Variants in ANO3 observed in about 807,000 individuals in gnomAD.
The protein encoded by ANO3 is anoctamin-3.
ANO3 carries 99 observed loss-of-function variants against 144.8 expected under a neutral mutation model. The observed-to-expected ratio is 0.68, with a 90% CI of 0.58 to 0.81. ANO3 has a LOEUF of 0.81. Among genes scored for constraint, ANO3 ranks in the 30% least tolerant of loss-of-function variants. The pLI, the probability that ANO3 is intolerant of heterozygous loss-of-function variation, is 0.00. For synonymous variants in ANO3, 414 were observed against 392.6 expected, an observed-to-expected ratio of 1.05 and a Z score of -0.64; for missense variants, 905 against 1,202.2, an observed-to-expected ratio of 0.75 and a Z score of 3.66.
intron 14 of ANO3, among the ~76,000 whole-genome samples, chr11:26,586,604 G>A (rs1292377658): frequency 1.4e-5 from 2 of 147,008 alleles, no homozygotes; most frequent in Admixed American, 7.0e-5. Flanking sequence ...CCATGTTCAC[G>A]CCATTCTCCT....
chr11:26,281,970 G>T (rs1215737921), intron 1 of ANO3, among the ~76,000 whole-genome samples: 1 of 152,066 alleles, frequency 6.6e-6, no homozygotes, highest in Non-Finnish European at 1.5e-5. Flanking sequence ...GATCCTCCCA[G>T]GCCAAAGCAA....
At chr11:26,460,439 G>GGAAA (rs1217284957) in intron 3 of ANO3, among the ~76,000 whole-genome samples, 5 of 68,332 alleles carry the variant, frequency 7.3e-5, no homozygotes, top group Admixed American at 1.8e-4. Context: ...GCGGGCGGGT[G>GGAAA]GAAGGAAAGA....
intron 1 of ANO3, among the ~76,000 whole-genome samples, chr11:26,239,309 T>A: frequency 6.6e-6 from 1 of 152,174 alleles, no homozygotes; most frequent in Non-Finnish European, 1.5e-5. Flanking sequence ...TAATTAGAGA[T>A]CTGCTTCATC....
intron 1 of ANO3, among the ~76,000 whole-genome samples, chr11:26,349,975 C>T (rs1161132097): frequency 6.6e-6 from 1 of 152,124 alleles, no homozygotes; most frequent in Admixed American, 6.5e-5. Flanking sequence ...GAGCAGATGT[C>T]CCCTGGCATT....
intron 14 of ANO3, among the ~76,000 whole-genome samples, chr11:26,572,782 G>C (rs981894216): frequency 6.6e-6 from 1 of 152,130 alleles, no homozygotes; most frequent in Non-Finnish European, 1.5e-5. Flanking sequence ...TCATGACTGA[G>C]ATTCGGTTTC....
At chr11:26,291,425 T>G (rs1853954170) in intron 1 of ANO3, among the ~76,000 whole-genome samples, 1 of 152,200 alleles carries the variant, frequency 6.6e-6, no homozygotes, top group Non-Finnish European at 1.5e-5. Flanking sequence ...GTTAATATTG[T>G]TATGTGTGAA....
intron 21 of ANO3, 107 bp downstream of exon 21, chr11:26,639,348 T>A: frequency 2.6e-6 from 2 of 756,336 alleles, no homozygotes. Flanking sequence ...AGACAAATGA[T>A]GGCTCAATTC....
chr11:26,280,814 A>G (rs963569285), intron 1 of ANO3, among the ~76,000 whole-genome samples: 1 of 152,154 alleles, frequency 6.6e-6, no homozygotes, highest in Non-Finnish European at 1.5e-5. Context: ...GAATGGTGCC[A>G]CCTTAGTATT....
chr11:26,522,225 CATTA>C (rs201915187), intron 6 of ANO3, among the ~76,000 whole-genome samples: 3,495 of 149,756 alleles, frequency 0.023, 63 homozygotes, highest in Non-Finnish European at 0.036. Flanking sequence ...AAAAAAAAAA[CATTA>C]AGAGCAATCA....
At chr11:26,482,137 A>G (rs1157937573) in intron 4 of ANO3, among the ~76,000 whole-genome samples, 1 of 151,696 alleles carries the variant, frequency 6.6e-6, no homozygotes, top group African/African-American at 2.4e-5. Flanking sequence ...GGCTCAAGTG[A>G]TCCTCCCACT....
intron 1 of ANO3, among the ~76,000 whole-genome samples, chr11:26,301,812 T>G (rs1040241111): frequency 5.3e-5 from 8 of 152,170 alleles, no homozygotes; most frequent in African/African-American, 1.9e-4. Flanking sequence ...AACAGACTGT[T>G]TTATCCCTGC....
chr11:26,641,698 T>TA (rs976332006), intron 21 of ANO3, among the ~76,000 whole-genome samples, 198 bp from the exon 22 acceptor site: 2 of 152,282 alleles, frequency 1.3e-5, no homozygotes, highest in African/African-American at 2.4e-5. Flanking sequence ...TCAAAAGATT[T>TA]AAAAAAAATT....
chr11:26,622,765 T>G (rs1469102702), intron 17 of ANO3, among the ~76,000 whole-genome samples: 2 of 152,366 alleles, frequency 1.3e-5, no homozygotes, highest in African/African-American at 4.8e-5. Context: ...TTTCTTCTTC[T>G]GTAAAATGGG....
At chr11:26,617,764 G>A (rs1014863975) in intron 17 of ANO3, among the ~76,000 whole-genome samples, 19 of 152,296 alleles carry the variant, frequency 1.2e-4, no homozygotes, top group African/African-American at 4.1e-4. Context: ...CTCAAACAAT[G>A]TAAGAAGATG....
intron 1 of ANO3, among the ~76,000 whole-genome samples, chr11:26,430,011 G>A (rs1178012312): frequency 6.6e-6 from 1 of 152,076 alleles, no homozygotes; most frequent in Non-Finnish European, 1.5e-5. Context: ...GCCAAAGCGG[G>A]GAGATCTCCT....
Position 26,243,744 on chromosome 11 carries a change from TG to T in ANO3, c.154+54417del, listed in dbSNP as rs1306422645. Among the ~76,000 whole-genome samples the T allele has an allele frequency of 8.2e-4, 125 of 152,288 alleles. 1 individual carries two copies. The highest frequency in any genetic ancestry group is 3.2e-4 in the Non-Finnish European group (22 of 68,020). ...TTTGCTTTGATTCTGTCTGCTTCTT[TG>T]GGTTTTTTAATAATTCAAATATCTG... is the stretch of plus-strand genomic sequence containing the variant. On this transcript the variant is annotated intron_variant, in intron 1 of 27. Transcript: ENST00000672621.
chr11:26,559,477 G>A (rs192827903), intron 13 of ANO3: 25 of 405,990 alleles, frequency 6.2e-5, no homozygotes, highest in Non-Finnish European at 1.1e-4. Context: ...ATGATGGTGG[G>A]GTATAAAGGG....
At chr11:26,531,720 TG>T (rs1849375927) in intron 8 of ANO3, among the ~76,000 whole-genome samples, 1 of 152,046 alleles carries the variant, frequency 6.6e-6, no homozygotes, top group South Asian at 2.1e-4. Context: ...TAATTATAAT[TG>T]CTTCAATTAA....
At chr11:26,496,573 A>G (rs1185620752) in intron 4 of ANO3, among the ~76,000 whole-genome samples, 1 of 152,084 alleles carries the variant, frequency 6.6e-6, no homozygotes, top group African/African-American at 2.4e-5. Flanking sequence ...ACAAATGCAG[A>G]TTTGTTACAT....
Sources: allele counts gnomAD v4.1 joint callset (sites outside exome capture counted in the v4.1 genomes callset), GRCh38; gene constraint gnomAD v4.1.1; transcripts MANE v1.5; gene names NCBI Gene and HGNC (gene_info 2026-07-23, HGNC 2026-07-21).